The following PPP2R5A variants were observed in gnomAD, a reference collection of about 807,000 sequenced individuals.
PPP2R5A encodes protein phosphatase 2 regulatory subunit B'alpha, also known as serine/threonine-protein phosphatase 2A 56 kDa regulatory subunit alpha isoform.
Under a neutral mutation model 64.2 loss-of-function variants are expected in PPP2R5A, and 25 were observed. The ratio of observed to expected loss-of-function variants is 0.39; its 90% CI spans 0.28 to 0.54. PPP2R5A has a LOEUF of 0.54. Among genes scored for constraint, PPP2R5A ranks in the 20% least tolerant of loss-of-function variants. The probability of loss-of-function intolerance (pLI) is 0.67; values close to 1 mark genes in which losing one functional copy is unlikely to be tolerated. For synonymous variants in PPP2R5A, 198 were observed against 201.2 expected (o/e 0.98, Z 0.13); for missense variants, 425 against 576.3 (o/e 0.74, Z 2.69).
At chr1:212,360,123 G>T (rs372108743) in intron 12 of PPP2R5A, among the ~76,000 whole-genome samples, 1 of 152,264 alleles carries the variant, frequency 6.6e-6, no homozygotes. Flanking sequence ...TTGTTCTAGA[G>T]AAAGATTACT....
intron 1 of PPP2R5A, among the ~76,000 whole-genome samples, chr1:212,293,012 A>G (rs1263195256): frequency 2.0e-5 from 3 of 152,182 alleles, no homozygotes; most frequent in African/African-American, 7.2e-5. Flanking sequence ...TTTTCTGCTT[A>G]TCACTAGAGA....
chr1:212,306,850 A>G (rs976325653), intron 1 of PPP2R5A: 2 of 151,956 alleles, frequency 1.3e-5, no homozygotes, highest in African/African-American at 2.4e-5. Flanking sequence ...CTCTGCTGCC[A>G]GGGTTCAAGC....
intron 1 of PPP2R5A, among the ~76,000 whole-genome samples, chr1:212,314,308 C>CAG (rs1377400760): frequency 6.6e-6 from 1 of 152,148 alleles, no homozygotes; most frequent in East Asian, 1.9e-4. Flanking sequence ...CATCATGGAG[C>CAG]AGAGATAAGC....
In PPP2R5A at chr1:212,360,833, A is replaced by G. The variant is rs1660067737; in HGVS notation, c.*63A>G. On this transcript the variant is annotated 3_prime_UTR_variant, in exon 13 of 13. Transcript: ENST00000261461. ...TTGTATGCTTTTTTGAAATATGTAA[A>G]AATTACAAAACAAACCTCATCAGTA... 4 of 1,441,396 alleles carry G rather than the reference A, an allele frequency of 2.8e-6. No individual in the cohort carries two copies. The highest frequency in any genetic ancestry group is 1.4e-5 in the African/African-American group (1 of 69,062). The allele number at this position is 1,441,396 out of a possible 1,614,324, so 89.3% of individuals were successfully genotyped here.
intron 2 of PPP2R5A, chr1:212,331,855 C>T (rs1659511367): frequency 6.6e-6 from 1 of 152,028 alleles, no homozygotes; most frequent in Non-Finnish European, 1.5e-5. Flanking sequence ...TTTCTGTGGG[C>T]ACATAGTAGG....
chr1:212,304,463 C>T (rs1233583132), intron 1 of PPP2R5A, among the ~76,000 whole-genome samples: 8 of 151,950 alleles, frequency 5.3e-5, no homozygotes, highest in Non-Finnish European at 8.8e-5. Flanking sequence ...GCAGGAGAAT[C>T]GCTTGAACCT....
intron 4 of PPP2R5A, among the ~76,000 whole-genome samples, chr1:212,342,511 A>C (rs1341585132): frequency 6.6e-6 from 1 of 152,194 alleles, no homozygotes; most frequent in Non-Finnish European, 1.5e-5. Flanking sequence ...TTAATCCTAA[A>C]TTATCATAGT....
chr1:212,326,212 C>T (rs940261504), intron 1 of PPP2R5A, among the ~76,000 whole-genome samples: 7 of 150,218 alleles, frequency 4.7e-5, no homozygotes, highest in Non-Finnish European at 1.0e-4. Context: ...TAGCATATTA[C>T]TTAGTATTAA....
chr1:212,319,105 G>A (rs1659211860), intron 1 of PPP2R5A, among the ~76,000 whole-genome samples: 1 of 152,160 alleles, frequency 6.6e-6, no homozygotes, highest in Non-Finnish European at 1.5e-5. Flanking sequence ...ACAGATATAT[G>A]TCATCAGTTC....
At chr1:212,312,362 C>T (rs1313974940) in intron 1 of PPP2R5A, among the ~76,000 whole-genome samples, 1 of 152,162 alleles carries the variant, frequency 6.6e-6, no homozygotes, top group Non-Finnish European at 1.5e-5. Flanking sequence ...ACCACTAGCT[C>T]TTGGTATTCT....
rs553213375 is a variant in PPP2R5A, at chr1:212,325,094, TA to T, written c.182-4035del. On this transcript the variant is annotated intron_variant, in intron 1 of 12. Transcript: ENST00000261461. ...AACTCCTTATATACCCTACCCTAGA[TA>T]AAAAAGAAATAAAAAGGAAACCCTG... Among the ~76,000 whole-genome samples the T allele has an allele frequency of 2.5e-3, 376 of 152,196 alleles. 2 individuals are homozygous for T. The highest frequency in any genetic ancestry group is 3.8e-3 in the Non-Finnish European group (261 of 68,008).
chr1:212,302,197 G>A, intron 1 of PPP2R5A: 1 of 1,059,138 alleles, frequency 9.4e-7, no homozygotes, highest in Non-Finnish European at 1.4e-6. Context: ...AACAGTACAA[G>A]CAAAACCACA....
chr1:212,300,480 C>T (rs963800400), intron 1 of PPP2R5A, among the ~76,000 whole-genome samples: 1 of 152,108 alleles, frequency 6.6e-6, no homozygotes, highest in Non-Finnish European at 1.5e-5. Context: ...AACTTACAGA[C>T]TCACTGTTAA....
intron 1 of PPP2R5A, among the ~76,000 whole-genome samples, chr1:212,288,105 C>T (rs1658538673): frequency 6.6e-6 from 1 of 152,196 alleles, no homozygotes; most frequent in Non-Finnish European, 1.5e-5. Context: ...CAACCTCCGC[C>T]TCCCGGGTTC....
intron 1 of PPP2R5A, among the ~76,000 whole-genome samples, chr1:212,301,513 G>A (rs1396139051): frequency 6.6e-6 from 1 of 152,084 alleles, no homozygotes; most frequent in African/African-American, 2.4e-5. Flanking sequence ...CCTGAAATAC[G>A]ATGTCTACAA....
rs1660088912 is a variant in PPP2R5A at position 212,361,824 on chromosome 1, G to GT, written c.*1054_*1055insT. Reference sequence around the variant, plus strand: ...AATGAAAGATCTTCATTGGGGGATTGAGCAGCATTTAATAAAGTCTATGTT... The same window carrying GT: ...AATGAAAGATCTTCATTGGGGGATTGTAGCAGCATTTAATAAAGTCTATGTT... On this transcript the variant is annotated 3_prime_UTR_variant, in exon 13 of 13. Coordinates refer to ENST00000261461, the MANE Select transcript of PPP2R5A (RefSeq NM_006243.4). 6.6e-6 allele frequency: 1 copy of GT among 152,664 alleles called. No homozygotes were observed. Among genetic ancestry groups the GT allele is most frequent in the Non-Finnish European group, 1.5e-5 (1 of 68,040 alleles). The allele number at this position is 152,664 out of a possible 1,614,324, so 9.5% of individuals were successfully genotyped here. A position where few individuals can be genotyped will look rare whatever the true frequency, so the allele number is the denominator to read the frequency against.
intron 1 of PPP2R5A, among the ~76,000 whole-genome samples, chr1:212,320,843 G>A (rs7514566): frequency 0.064 from 8,426 of 132,306 alleles, 516 homozygotes; most frequent in African/African-American, 0.24. Context: ...TGGACGGGGC[G>A]GCTGGCCGGG....
intron 1 of PPP2R5A, among the ~76,000 whole-genome samples, chr1:212,326,410 A>G (rs1659408475): frequency 6.6e-6 from 1 of 152,080 alleles, no homozygotes; most frequent in African/African-American, 2.4e-5. Context: ...GCTGGCCAAC[A>G]TGGTGAAACT....
At chr1:212,355,640 A>C (rs1413105779) in intron 8 of PPP2R5A, among the ~76,000 whole-genome samples, 1 of 151,824 alleles carries the variant, frequency 6.6e-6, no homozygotes, top group Non-Finnish European at 1.5e-5. Flanking sequence ...AAAAATGTCA[A>C]ATGACTTGAA....
Sources: allele counts gnomAD v4.1 joint callset (sites outside exome capture counted in the v4.1 genomes callset), GRCh38; gene constraint gnomAD v4.1.1; transcripts MANE v1.5; gene names NCBI Gene and HGNC (gene_info 2026-07-23, HGNC 2026-07-21).